SBF2: variants seen among roughly 807,000 people sequenced by gnomAD.
The protein encoded by SBF2 is SET binding factor 2.
A neutral mutation model predicts 225.2 loss-of-function variants in SBF2; 112 were observed. The observed-to-expected ratio is 0.50, with a 90% confidence interval of 0.43 to 0.58. The LOEUF is 0.58. Ranked by LOEUF, SBF2 falls within the 20% of genes least tolerant of loss-of-function variation. The pLI is 0.00. For synonymous variants in SBF2, 763 were observed against 773.3 expected (o/e 0.99, Z 0.22); for missense variants, 1,996 against 2,206.2 (o/e 0.90, Z 1.91).
intron 16 of SBF2, among the ~76,000 whole-genome samples, chr11:9,949,324 G>A (rs189847246): frequency 6.6e-6 from 1 of 152,108 alleles, no homozygotes; most frequent in Admixed American, 6.5e-5. Context: ...TAAAAATAAT[G>A]ACAGCTACTG....
At chr11:9,824,281 G>C (rs985029917) in intron 28 of SBF2, among the ~76,000 whole-genome samples, 1 of 152,096 alleles carries the variant, frequency 6.6e-6, no homozygotes, top group Admixed American at 6.6e-5. Context: ...TGTTAAGGCC[G>C]GGTGCAGTGG....
intron 1 of SBF2, among the ~76,000 whole-genome samples, chr11:10,282,816 CATCTATAGAGTCAAGGCT>C: frequency 2.5e-5 from 1 of 40,242 alleles, no homozygotes; most frequent in Non-Finnish European, 7.0e-5. Flanking sequence ...CAGACCCCAC[CATCTATAGAGTCAAGGCT>C]CACCATCTAT....
chr11:9,958,568 C>G (rs1866350014), intron 16 of SBF2: 1 of 188,858 alleles, frequency 5.3e-6, no homozygotes, highest in South Asian at 1.1e-4. Context: ...CCGTGTTAGC[C>G]AGGATGGTCT....
chr11:10,232,653 T>A (rs1324936290), intron 1 of SBF2, among the ~76,000 whole-genome samples: 1 of 151,378 alleles, frequency 6.6e-6, no homozygotes, highest in Non-Finnish European at 1.5e-5. Context: ...AGTCTTGAAC[T>A]CCTGGGCTCA....
intron 33 of SBF2, among the ~76,000 whole-genome samples, chr11:9,794,609 G>A (rs1352371780): frequency 2.3e-5 from 3 of 132,942 alleles, no homozygotes; most frequent in Non-Finnish European, 4.7e-5. Flanking sequence ...AGGTTGCAGT[G>A]AGCCAAGATC....
chr11:10,161,410 C>A (rs943256664), intron 2 of SBF2, among the ~76,000 whole-genome samples: 1 of 152,044 alleles, frequency 6.6e-6, no homozygotes. Context: ...CCAAGAATGA[C>A]AAGAGAAACC....
intron 2 of SBF2, among the ~76,000 whole-genome samples, chr11:10,188,054 A>G (rs1023114472): frequency 6.6e-6 from 1 of 152,254 alleles, no homozygotes; most frequent in Non-Finnish European, 1.5e-5. Context: ...AACTTCGCTC[A>G]AGGCTTTTAA....
intron 1 of SBF2, among the ~76,000 whole-genome samples, chr11:10,229,526 T>A (rs1958734210): frequency 6.6e-6 from 1 of 152,030 alleles, no homozygotes; most frequent in Non-Finnish European, 1.5e-5. Context: ...TTCGTTCTTG[T>A]TGGTTTCAAA....
intron 17 of SBF2, among the ~76,000 whole-genome samples, chr11:9,865,267 A>C (rs1858096804): frequency 6.6e-6 from 1 of 152,212 alleles, no homozygotes; most frequent in Admixed American, 6.5e-5. Context: ...ATTTAAAATA[A>C]GAAAAAATTA....
At chr11:9,894,937 G>C (rs536214064) in intron 17 of SBF2, among the ~76,000 whole-genome samples, 1 of 152,106 alleles carries the variant, frequency 6.6e-6, no homozygotes, top group Non-Finnish European at 1.5e-5. Context: ...AGCCGAGATT[G>C]AGCCATTGCA....
chr11:10,122,024 A>T (rs541173744), intron 2 of SBF2, among the ~76,000 whole-genome samples: 1 of 152,316 alleles, frequency 6.6e-6, no homozygotes, highest in East Asian at 1.9e-4. Context: ...GTACAAGAGT[A>T]GTGATGCTGG....
chr11:9,982,319 C>T (rs1175951483), intron 13 of SBF2, among the ~76,000 whole-genome samples: 1 of 152,090 alleles, frequency 6.6e-6, no homozygotes, highest in African/African-American at 2.4e-5. Context: ...TTACAAGAGA[C>T]CCAAATGAAA....
intron 2 of SBF2, among the ~76,000 whole-genome samples, chr11:10,168,710 C>T (rs949842855): frequency 1.3e-5 from 2 of 152,192 alleles, no homozygotes; most frequent in African/African-American, 2.4e-5. Flanking sequence ...CTTTCCTGTG[C>T]TGCTTCTCAA....
chr11:10,104,178 G>A (rs1006605868), intron 2 of SBF2, among the ~76,000 whole-genome samples: 16 of 151,868 alleles, frequency 1.1e-4, no homozygotes, highest in African/African-American at 3.6e-4. Flanking sequence ...TCATCCTGTT[G>A]TGGTCAGAGA....
intron 1 of SBF2, among the ~76,000 whole-genome samples, chr11:10,288,962 T>A (rs1019810579): frequency 6.6e-6 from 1 of 152,134 alleles, no homozygotes; most frequent in African/African-American, 2.4e-5. Flanking sequence ...ACCAGAGACC[T>A]GCCCCCTTCC....
intron 17 of SBF2, among the ~76,000 whole-genome samples, chr11:9,889,492 A>G (rs931549028): frequency 2.0e-5 from 3 of 152,236 alleles, no homozygotes; most frequent in Non-Finnish European, 4.4e-5. Context: ...ATCAGGTAGA[A>G]ATGTAAATTT....
intron 6 of SBF2, among the ~76,000 whole-genome samples, chr11:10,008,839 G>T (rs1223390422): frequency 1.3e-5 from 2 of 152,244 alleles, no homozygotes; most frequent in Non-Finnish European, 2.9e-5. Context: ...TTTGCATGTG[G>T]CAGGTAGGAC....
intron 2 of SBF2, among the ~76,000 whole-genome samples, chr11:10,174,257 C>G (rs1216626437): frequency 6.6e-6 from 1 of 152,098 alleles, no homozygotes. Flanking sequence ...AAGTTGAAAA[C>G]TGTGAAAAAA....
chr11:9,815,004 G>A (rs973324372), intron 29 of SBF2, among the ~76,000 whole-genome samples: 1 of 152,178 alleles, frequency 6.6e-6, no homozygotes, highest in African/African-American at 2.4e-5. Context: ...GGATGGCATT[G>A]TGCAAGCTAG....
Sources: allele counts gnomAD v4.1 joint callset (sites outside exome capture counted in the v4.1 genomes callset), GRCh38; gene constraint gnomAD v4.1.1; transcripts MANE v1.5; gene names NCBI Gene and HGNC (gene_info 2026-07-23, HGNC 2026-07-21).